The following RETNLB variants were observed in gnomAD, a reference collection of about 807,000 sequenced individuals.
RETNLB encodes the protein resistin like beta, also known as resistin-like beta.
Under a neutral mutation model 6.8 loss-of-function variants are expected in RETNLB, and 11 were observed. That is an observed-to-expected ratio of 1.62 (90% confidence interval 1.02 to 2.68). The LOEUF (loss-of-function observed/expected upper bound fraction) is 2.68, where lower values mean the gene tolerates loss of function less well. Among genes scored for constraint, RETNLB ranks in the 30% most tolerant of loss-of-function variants. The pLI is 0.00. For missense variants in RETNLB, 146 were observed against 135.7 expected (o/e 1.08, Z -0.38); for synonymous variants, 57 against 54.2 (o/e 1.05, Z -0.23).
Position 108,757,205 on chromosome 3 carries a change from C to T in RETNLB, c.-20G>A. Reference sequence around the variant, plus strand: ...CCCCATCCTGTACAGAGTCAGTGTCCTGGGGCTGGGAGAAAAGATGGAAAG... The same window carrying T: ...CCCCATCCTGTACAGAGTCAGTGTCTTGGGGCTGGGAGAAAAGATGGAAAG... On this transcript the variant is annotated 5_prime_UTR_variant, in exon 1 of 3. Transcript: ENST00000295755. 6.2e-7 allele frequency: 1 copy of T among 1,600,820 alleles called. No homozygotes were observed. The highest frequency in any genetic ancestry group is 8.5e-7 in the Non-Finnish European group (1 of 1,173,060).
Position 108,757,028 on chromosome 3 carries a change from AC to A in RETNLB, c.127+30del, listed in dbSNP as rs748359252. 16 of 1,602,666 alleles carry A rather than the reference AC, an allele frequency of 1.0e-5. No homozygotes were observed. In the Admixed American group the frequency reaches 1.9e-4, roughly 19 times the overall value. On this transcript the variant is annotated intron_variant, in intron 1 of 2. Transcript: ENST00000295755. ...GAACAGGAGAAATGAGCAAGGGTCA[AC>A]CCCCCGCTTCCCCTACCCCAGTCAG...
At chr3:108,756,016 G>C (rs189252198) in intron 2 of RETNLB, 111 bp from the exon 3 acceptor site, 1 of 1,231,806 alleles carries the variant, frequency 8.1e-7, no homozygotes, top group Non-Finnish European at 1.2e-6. Context: ...GCTAGGTTTC[G>C]TGGGGCCTCA....
Position 108,755,801 on chromosome 3 carries a change from C to A in RETNLB, c.313G>T (p.Ala105Ser). The A allele has an allele frequency of 6.2e-7, 1 of 1,614,072 alleles. No homozygotes were observed. The highest frequency in any genetic ancestry group is 8.5e-7 in the Non-Finnish European group (1 of 1,179,938). The change falls in exon 3 of 3, where the codon GCC becomes TCC. Residue 105 changes from alanine (A) to serine (S), a missense_variant. Physicochemically the swap from Ala to Ser is moderately conservative, Grantham distance 99. Transcript: ENST00000295755. ...CQCSVVDWTT[A>S]RCCHLT ...TGTCAGGTCAGGTGGCAGCAGCGGG[C>A]AGTGGTCCAGTCCACCACACTGCAC... is the stretch of plus-strand genomic sequence containing the variant.
Position 108,756,547 on chromosome 3 carries a change from T to C in RETNLB, c.169A>G (p.Ser57Gly), listed in dbSNP as rs1945251601. Residue 57 changes from serine (S) to glycine (G), a missense_variant, in exon 2 of 3, where the codon AGT becomes GGT. Physicochemically the swap from Ser to Gly is moderately conservative, Grantham distance 56. Transcript: ENST00000295755. The stretch of plus-strand genomic sequence containing the variant: ...GACGGTCTGCCTTGGCTTTTGACAC[T>C]AGCACACGAGAGCTTCTTGCTTATA... ...SPISKKLSCASVKSQGRPSSC... is the reference protein window; with the variant it reads ...SPISKKLSCAGVKSQGRPSSC... The C allele has an allele frequency of 1.2e-6, 2 of 1,613,436 alleles. No individual in the cohort carries two copies. The highest frequency in any genetic ancestry group is 3.3e-5 in the Admixed American group (2 of 59,996).
In RETNLB at chr3:108,757,333, C is replaced by A. The variant is rs1204032601; in HGVS notation, c.-148G>T. 6.2e-6 allele frequency: 5 copies of A among 803,954 alleles called. No individual in the cohort carries two copies. The East Asian group carries it at 1.4e-4, about 22-fold the overall frequency. The allele number at this position is 803,954 out of a possible 1,614,324, so 49.8% of individuals were successfully genotyped here. On this transcript the variant is annotated 5_prime_UTR_variant, in exon 1 of 3. Transcript: ENST00000295755. The stretch of plus-strand genomic sequence containing the variant: ...AAGAACAGCGTCATCAGTACTGGAT[C>A]TCTTTAGGCAGTTTGGAGAAGCAGG...
At chr3:108,756,481 G>T (rs376436039) in intron 2 of RETNLB, 27 bp downstream of exon 2, 5 of 1,479,300 alleles carry the variant, frequency 3.4e-6, no homozygotes, top group Non-Finnish European at 4.7e-6. Context: ...CATCGTAGTC[G>T]CCATTCCCTC....
At position 108,757,409 on chromosome 3, in the gene RETNLB, AC is replaced by A; in HGVS notation, c.-225del. On this transcript the variant is annotated 5_prime_UTR_variant, in exon 1 of 3. Coordinates refer to ENST00000295755, the MANE Select transcript of RETNLB (RefSeq NM_032579.3). ...TCACCAAAACATTCAGAGAAGGTCT[AC>A]AAGGACTAGCCAGGCAAGGGCGTTT... 2.5e-6 allele frequency: 1 copy of A among 405,782 alleles called. No homozygotes were observed. The highest frequency in any genetic ancestry group is 4.4e-6 in the Non-Finnish European group (1 of 227,572). 25.1% of individuals were successfully genotyped at this position (405,782 alleles called of 1,614,324 possible). A position where few individuals can be genotyped will look rare whatever the true frequency, so the allele number is the denominator to read the frequency against.
chr3:108,755,681 A>G lies in RETNLB; in HGVS notation c.*97T>C. The G allele has an allele frequency of 7.3e-7, 1 of 1,372,320 alleles. No homozygotes were observed. Among genetic ancestry groups the G allele is most frequent in the Non-Finnish European group, 1.0e-6 (1 of 976,706 alleles). 85.0% of individuals were successfully genotyped at this position (1,372,320 alleles called of 1,614,324 possible). On this transcript the variant is annotated 3_prime_UTR_variant, in exon 3 of 3. Transcript: ENST00000295755. ...TTTATTACCCAAGAATCAGGAATGG[A>G]ACAAATGAAGTGGGACGTTTGAGTT...
chr3:108,757,289 T>C lies in RETNLB; in HGVS notation c.-104A>G. On this transcript the variant is annotated 5_prime_UTR_variant, in exon 1 of 3. Coordinates refer to ENST00000295755, the MANE Select transcript of RETNLB (RefSeq NM_032579.3). Reference sequence around the variant, plus strand: ...AAGGAAAGAAGACAACGTGGTTAGTTTCCAGGGAGTAAAGATGGAAGAACA... The same window carrying C: ...AAGGAAAGAAGACAACGTGGTTAGTCTCCAGGGAGTAAAGATGGAAGAACA... The C allele has an allele frequency of 7.4e-7, 1 of 1,359,146 alleles. No individual in the cohort carries two copies. The highest frequency in any genetic ancestry group is 1.6e-5 in the South Asian group (1 of 62,032). 84.2% of individuals were successfully genotyped at this position (1,359,146 alleles called of 1,614,324 possible).
intron 2 of RETNLB, 47 bp downstream of exon 2, chr3:108,756,461 G>T: frequency 8.1e-7 from 1 of 1,234,488 alleles, no homozygotes; most frequent in Non-Finnish European, 1.2e-6. Context: ...GGACAGGGGA[G>T]GATACAGGGC....
rs574150701 is a variant in RETNLB, at chr3:108,756,434, C to T, written c.208+74G>A. ...GATACAGACCTGACATGGGGGAAGA[C>T]GTAGGTGCAGGGAGATGGACAGGGG... On this transcript the variant is annotated intron_variant, in intron 2 of 2. Coordinates refer to ENST00000295755, the MANE Select transcript of RETNLB (RefSeq NM_032579.3). 2.0e-4 allele frequency: 206 copies of T among 1,009,838 alleles called. 2 individuals carry two copies. Among genetic ancestry groups the T allele is most frequent in the East Asian group, 2.9e-4 (12 of 42,052 alleles). 62.6% of individuals were successfully genotyped at this position (1,009,838 alleles called of 1,614,324 possible). A position where few individuals can be genotyped will look rare whatever the true frequency, so the allele number is the denominator to read the frequency against.
At chr3:108,756,942 T>A in intron 1 of RETNLB, 117 bp downstream of exon 1, 1 of 1,199,440 alleles carries the variant, frequency 8.3e-7, no homozygotes, top group South Asian at 1.6e-5. Context: ...TAGAAAGCCC[T>A]CATCAGGGGT....
rs930120259 is a variant in RETNLB at position 108,756,710 on chromosome 3, G to T, written c.128-122C>A. The T allele has an allele frequency of 1.4e-5, 10 of 706,482 alleles. No homozygotes were observed. The African/African-American group carries it at 1.4e-4, about 10-fold the overall frequency. 43.8% of individuals were successfully genotyped at this position (706,482 alleles called of 1,614,324 possible). A position where few individuals can be genotyped will look rare whatever the true frequency, so the allele number is the denominator to read the frequency against. On this transcript the variant is annotated intron_variant, in intron 1 of 2. Coordinates refer to ENST00000295755, the MANE Select transcript of RETNLB (RefSeq NM_032579.3). Reference sequence around the variant, plus strand: ...GTGTCCAGAATCAGCCTACTCATCAGCTTTTAAGGTTAGTTTCCTCATTTT... The same window carrying T: ...GTGTCCAGAATCAGCCTACTCATCATCTTTTAAGGTTAGTTTCCTCATTTT...
chr3:108,756,607 A>G lies in RETNLB; in HGVS notation c.128-19T>C, dbSNP rs181730121. 1.9e-6 allele frequency: 3 copies of G among 1,543,182 alleles called. No individual in the cohort carries two copies. Among genetic ancestry groups the G allele is most frequent in the Admixed American group, 3.3e-5 (2 of 59,904 alleles). On this transcript the variant is annotated intron_variant, in intron 1 of 2. Coordinates refer to ENST00000295755, the MANE Select transcript of RETNLB (RefSeq NM_032579.3). The stretch of plus-strand genomic sequence containing the variant: ...CTGTACTCTGAGTAGGAAAGAAGAA[A>G]GGGTACATCCCATGAGCTATCCTCC...
intron 1 of RETNLB, 79 bp downstream of exon 1, chr3:108,756,980 A>T: frequency 1.3e-6 from 2 of 1,519,222 alleles, no homozygotes; most frequent in Non-Finnish European, 1.8e-6. Flanking sequence ...TTGGGATGGG[A>T]TAGAGACAAA....
In RETNLB at chr3:108,757,047, CCA is replaced by C. The variant is rs769971981; in HGVS notation, c.127+10_127+11del. ...GGGTCAACCCCCCGCTTCCCCTACC[CCA>C]GTCAGTTACCTAGACTGTTGAGAAC... On this transcript the variant is annotated intron_variant, in intron 1 of 2. Coordinates refer to ENST00000295755, the MANE Select transcript of RETNLB (RefSeq NM_032579.3). The C allele has an allele frequency of 6.2e-7, 1 of 1,611,894 alleles. No individual in the cohort carries two copies. The highest frequency in any genetic ancestry group is 8.5e-7 in the Non-Finnish European group (1 of 1,178,844).
At position 108,755,908 on chromosome 3, in the gene RETNLB, GCATGAGCA is replaced by G; in HGVS notation, c.209-11_209-4del. The G allele has an allele frequency of 1.2e-6, 2 of 1,614,158 alleles. No homozygotes were observed. The highest frequency in any genetic ancestry group is 1.7e-6 in the Non-Finnish European group (2 of 1,180,028). On this transcript the variant is annotated splice_region_variant and splice_polypyrimidine_tract_variant and intron_variant, in intron 2 of 2. Transcript: ENST00000295755. ...AGCACAGCCAGTGACAGCCATCCCT[GCATGAGCA>G]CATGAAGCACAGACATCAGAGCTCT...
At chr3:108,756,392 C>T in intron 2 of RETNLB, 116 bp downstream of exon 2, 2 of 732,998 alleles carry the variant, frequency 2.7e-6, no homozygotes. Context: ...CATGACTCAG[C>T]CCCAGGGTGC....
At position 108,756,555 on chromosome 3, in the gene RETNLB, G is replaced by A. The variant is rs200577224; in HGVS notation, c.161C>T (p.Ser54Leu). The A allele has an allele frequency of 1.6e-5, 26 of 1,613,410 alleles. No homozygotes were observed. The highest frequency in any genetic ancestry group is 6.7e-5 in the East Asian group (3 of 44,858). ...GCCTTGGCTTTTGACACTAGCACAC[G>A]AGAGCTTCTTGCTTATAGGAGAGGG... ...YSPSPISKKL[S>L]CASVKSQGRP... The change falls in exon 2 of 3, where the codon TCG becomes TTG. Residue 54 changes from serine (S) to leucine (L), a missense_variant. Transcript: ENST00000295755.
Sources: allele counts gnomAD v4.1 joint callset, GRCh38; gene constraint gnomAD v4.1.1; transcripts MANE v1.5; gene names NCBI Gene and HGNC (gene_info 2026-07-23, HGNC 2026-07-21).